Variants in KCP observed in about 807,000 individuals in gnomAD.
KCP encodes kielin/chordin-like protein.
In KCP, 194 loss-of-function variants were observed where a neutral mutation model predicts 212.7. That is an observed-to-expected ratio of 0.91 (90% CI 0.81 to 1.03). KCP has a LOEUF of 1.03. Ranked by LOEUF, KCP falls within the 50% of genes least tolerant of loss-of-function variation. The pLI is 0.00. For missense variants in KCP, 2,080 were observed against 2,162.5 expected, an observed-to-expected ratio of 0.96 and a Z score of 0.76; for synonymous variants, 833 against 865.3, an observed-to-expected ratio of 0.96 and a Z score of 0.65.
At chr7:128,888,327 AACACACACAC>A (rs760342030) in intron 22 of KCP, among the ~76,000 whole-genome samples, 1 of 106,576 alleles carries the variant, frequency 9.4e-6, no homozygotes, top group African/African-American at 4.3e-5. Flanking sequence ...CACACAGAGC[AACACACACAC>A]ACACACACAC....
chr7:128,907,075 T>C (rs967856724), intron 4 of KCP, 26 bp downstream of exon 4: 3 of 1,545,704 alleles, frequency 1.9e-6, no homozygotes, highest in Non-Finnish European at 2.6e-6. Flanking sequence ...AGGTGAGGGA[T>C]ATCCAGGTAG....
rs1241419183 is a variant in KCP at position 128,910,625 on chromosome 7, G to T, written c.52C>A (p.Leu18Met). Residue 18 changes from leucine to methionine, a missense_variant, in exon 1 of 40, where the codon CTG (leucine) becomes ATG (methionine). Transcript: ENST00000610776. The part of the protein sequence containing the change: ...ALSLLLHLGA[L>M]ALAAGAEGGA... Reference sequence around the variant, plus strand: ...CCTTCCGCGCCCGCGGCCAGCGCCAGGGCCCCGAGGTGCAGGAGAAGGGAC... The same window carrying T: ...CCTTCCGCGCCCGCGGCCAGCGCCATGGCCCCGAGGTGCAGGAGAAGGGAC... 1.3e-6 allele frequency: 2 copies of T among 1,517,132 alleles called. No homozygotes were observed. Among genetic ancestry groups the T allele is most frequent in the African/African-American group, 2.8e-5 (2 of 70,270 alleles). 94.0% of individuals were successfully genotyped at this position (1,517,132 alleles called of 1,614,324 possible).
intron 6 of KCP, 96 bp from the exon 7 acceptor site, chr7:128,903,916 G>A: frequency 7.2e-7 from 1 of 1,380,416 alleles, no homozygotes; most frequent in Middle Eastern, 2.2e-4. Context: ...GGGGCACAGG[G>A]CAGGGATGGA....
In KCP at chr7:128,907,084, A is replaced by G; in HGVS notation, c.486+17T>C. On this transcript the variant is annotated intron_variant, in intron 4 of 39. Transcript: ENST00000610776. ...GCAGACAGGTGAGGGATATCCAGGT[A>G]GGTCCTGGGAGCTTACCAGACAGCG... The G allele has an allele frequency of 1.3e-6, 2 of 1,548,702 alleles. No individual in the cohort carries two copies. The highest frequency in any genetic ancestry group is 1.7e-6 in the Non-Finnish European group (2 of 1,145,194).
chr7:128,910,538 C>CG (rs1175624657), intron 1 of KCP, 63 bp downstream of exon 1: 3 of 1,428,986 alleles, frequency 2.1e-6, no homozygotes, highest in Admixed American at 4.5e-5. Flanking sequence ...CCCCTCAGGC[C>CG]GGGCTGATAG....
chr7:128,887,702 T>TACACACACAGCCATAG (rs1391526143), intron 22 of KCP, among the ~76,000 whole-genome samples: 20 of 121,100 alleles, frequency 1.7e-4, no homozygotes, highest in Admixed American at 1.2e-3. Context: ...TATACCCATA[T>TACACACACAGCCATAG]ACACACACAG....
Position 128,886,777 on chromosome 7 carries a change from C to G in KCP, c.2690-40G>C, listed in dbSNP as rs1305893490. ...CCTCCTGGGTGGGGGGCCTGTGCCACCCTGCCCTGCTCGGCCCAGCCTTAG... is the reference window on the plus strand; with the variant it reads ...CCTCCTGGGTGGGGGGCCTGTGCCAGCCTGCCCTGCTCGGCCCAGCCTTAG... On this transcript the variant is annotated intron_variant, in intron 24 of 39. Transcript: ENST00000610776. 2.6e-6 allele frequency: 4 copies of G among 1,539,704 alleles called. No individual in the cohort carries two copies. The South Asian group carries it at 4.8e-5, about 18-fold the overall frequency.
chr7:128,880,396 G>C lies in KCP; in HGVS notation c.3749C>G (p.Ser1250Trp). The C allele has an allele frequency of 6.7e-7, 1 of 1,489,130 alleles. No individual in the cohort carries two copies. The highest frequency in any genetic ancestry group is 2.7e-5 in the East Asian group (1 of 37,612). 92.2% of individuals were successfully genotyped at this position (1,489,130 alleles called of 1,614,324 possible). A position where few individuals can be genotyped will look rare whatever the true frequency, so the allele number is the denominator to read the frequency against. Residue 1250 changes from serine to tryptophan, a missense_variant, in exon 34 of 40, where the codon TCG becomes TGG. Coordinates refer to ENST00000610776, the MANE Select transcript of KCP (RefSeq NM_001366122.1). ...RCQSQRCSPL[S>W]CGPDKAPALS... is the part of the protein sequence containing the mutation. ...GATTGCGGCACTCACGGGGCCACAC[G>C]AGAGCGGTGAGCAGCGCTGGCTCTG...
rs551644485 is a variant in KCP at position 128,907,496 on chromosome 7, C to A, written c.220-43G>T. The A allele has an allele frequency of 1.1e-3, 1,460 of 1,339,484 alleles. 1 individual carries two copies. The highest frequency in any genetic ancestry group is 1.4e-3 in the Non-Finnish European group (1,374 of 1,014,412). The allele number at this position is 1,339,484 out of a possible 1,614,324, so 83.0% of individuals were successfully genotyped here. A position where few individuals can be genotyped will look rare whatever the true frequency, so the allele number is the denominator to read the frequency against. ...AATAGCAGGCACTGGCTCAGCTTCC[C>A]CCACCATCTCCAGTAGAGATGAGGG... On this transcript the variant is annotated intron_variant, in intron 2 of 39. Transcript: ENST00000610776.
rs147440210 is a variant in KCP at position 128,904,127 on chromosome 7, C to T, written c.583G>A (p.Glu195Lys). 1,990 of 1,551,710 alleles carry T rather than the reference C, an allele frequency of 1.3e-3. 2 individuals carry two copies. Among genetic ancestry groups the T allele is most frequent in the Non-Finnish European group, 1.6e-3 (1,858 of 1,146,940 alleles). Residue 195 changes from glutamate (E) to lysine (K), a missense_variant, in exon 6 of 40, where the codon GAG (glutamate) becomes AAG (lysine). Transcript: ENST00000610776. ...CPHCKPGCDY[E>K]GQLYEEGVTF... Reference sequence around the variant, plus strand: ...ACCCCCTCCTCATAAAGCTGCCCCTCATAATCACAGCCTGGGAAGGTTGGC... The same window carrying T: ...ACCCCCTCCTCATAAAGCTGCCCCTTATAATCACAGCCTGGGAAGGTTGGC...
At chr7:128,905,020 G>T (rs1310041727) in intron 5 of KCP, among the ~76,000 whole-genome samples, 2 of 151,938 alleles carry the variant, frequency 1.3e-5, no homozygotes, top group African/African-American at 4.8e-5. Context: ...GGGGGTCAGG[G>T]GTCTTTTCTT....
chr7:128,885,128 T>C lies in KCP; in HGVS notation c.3009A>G (p.Gln1003=), dbSNP rs73721647. The change falls in exon 27 of 40, where the codon CAA becomes CAG. Residue 1003 remains glutamine, a synonymous_variant. Transcript: ENST00000610776. ...QCISSCAQPR[Q]GPHDCCPQCS... ...ATTGAGGACAGCAGTCATGGGGCCC[T>C]TGGCGGGGCTGGGCGCAAGAGCTGA... 15,877 of 1,550,812 alleles carry C rather than the reference T, an allele frequency of 0.01. 777 individuals carry two copies. In the African/African-American group the frequency reaches 0.12, roughly 11 times the overall value.
rs1434281169 is a variant in KCP at position 128,884,044 on chromosome 7, G to C, written c.3202C>G (p.Leu1068Val). Residue 1068 changes from leucine (L) to valine (V), a missense_variant, in exon 29 of 40, where the codon CTC becomes GTC. Leu to Val is a conservative substitution (Grantham distance 32). Transcript: ENST00000610776. ...PSLVGCPPSQ[L>V]LPPGPQHCCP... is the part of the protein sequence containing the mutation. The stretch of plus-strand genomic sequence containing the variant: ...CAGTGCTGGGGCCCAGGGGGCAGGA[G>C]CTGGCTGGGGGGGCAGCCCACCAGG... 1.3e-6 allele frequency: 2 copies of C among 1,546,896 alleles called. No homozygotes were observed. Among genetic ancestry groups the C allele is most frequent in the African/African-American group, 2.7e-5 (2 of 72,914 alleles).
At chr7:128,897,251 C>T (rs1794584533) in intron 8 of KCP, among the ~76,000 whole-genome samples, 1 of 152,170 alleles carries the variant, frequency 6.6e-6, no homozygotes, top group African/African-American at 2.4e-5. Flanking sequence ...CAAGACAGCC[C>T]AGCAAACTTG....
At chr7:128,889,151 G>T (rs963112962) in intron 21 of KCP, 112 bp from the exon 22 acceptor site, 3 of 812,698 alleles carry the variant, frequency 3.7e-6, no homozygotes, top group Non-Finnish European at 5.2e-6. Flanking sequence ...CAAAGATCTA[G>T]CGTGGGGGCT....
At chr7:128,883,949 G>C (rs1264366408) in intron 29 of KCP, 53 bp downstream of exon 29, 5 of 1,514,754 alleles carry the variant, frequency 3.3e-6, no homozygotes, top group Non-Finnish European at 4.4e-6. Flanking sequence ...AGGGCGGCAG[G>C]GGGTGGCAGC....
intron 2 of KCP, 97 bp from the exon 3 acceptor site, chr7:128,907,550 A>T (rs994761931): frequency 3.7e-5 from 32 of 862,436 alleles, no homozygotes; most frequent in Non-Finnish European, 4.7e-5. Context: ...ATGAGAAAGA[A>T]GTTCGCCAAT....
Position 128,877,167 on chromosome 7 carries a change from G to A in KCP, c.4763C>T (p.Ala1588Val). The A allele has an allele frequency of 6.7e-7, 1 of 1,494,164 alleles. No homozygotes were observed. The highest frequency in any genetic ancestry group is 8.9e-7 in the Non-Finnish European group (1 of 1,122,652). 92.6% of individuals were successfully genotyped at this position (1,494,164 alleles called of 1,614,324 possible). ...RPCVPGCQCP[A>V]GLVEHEAHCI... ...GTGGGCCTCATGCTCCACCAGGCCT[G>A]CAGGGCACTGGCAGCCGGGCACGCA... The change falls in exon 40 of 40, where the codon GCA becomes GTA. Residue 1588 changes from alanine to valine, a missense_variant. Physicochemically the swap from Ala to Val is moderately conservative, Grantham distance 64 (BLOSUM62 0). Transcript: ENST00000610776.
rs1395928342 is a variant in KCP at position 128,877,467 on chromosome 7, G to A, written c.4618+17C>T. ...TGCTGAGCCTCCCCCAACCTGCAGCGGGCATCACCCCCTCACCACACAGCG... is the reference window on the plus strand; with the variant it reads ...TGCTGAGCCTCCCCCAACCTGCAGCAGGCATCACCCCCTCACCACACAGCG... On this transcript the variant is annotated intron_variant, in intron 39 of 39. Coordinates refer to ENST00000610776, the MANE Select transcript of KCP (RefSeq NM_001366122.1). 5.8e-6 allele frequency: 9 copies of A among 1,550,040 alleles called. No individual in the cohort carries two copies. Among genetic ancestry groups the A allele is most frequent in the East Asian group, 2.4e-5 (1 of 40,900 alleles).
Sources: allele counts gnomAD v4.1 joint callset (sites outside exome capture counted in the v4.1 genomes callset), GRCh38; gene constraint gnomAD v4.1.1; transcripts MANE v1.5; gene names NCBI Gene and HGNC (gene_info 2026-07-23, HGNC 2026-07-21).